The following NOVA1 variants were observed in gnomAD, a reference collection of about 807,000 sequenced individuals.
NOVA1 encodes RNA-binding protein Nova-1.
A neutral mutation model predicts 38.0 loss-of-function variants in NOVA1; 7 were observed. The ratio of observed to expected loss-of-function variants is 0.18; its 90% CI spans 0.10 to 0.35. The LOEUF is 0.35. NOVA1 is among the 10% of genes least tolerant of loss of function. The pLI, the probability that NOVA1 is intolerant of heterozygous loss-of-function variation, is 1.00. For missense variants in NOVA1, 460 were observed against 616.0 expected, an observed-to-expected ratio of 0.75 and a Z score of 2.68; for synonymous variants, 270 against 232.5, an observed-to-expected ratio of 1.16 and a Z score of -1.47.
chr14:26,459,737 T>C (rs1219655581), intron 4 of NOVA1, among the ~76,000 whole-genome samples: 1 of 152,082 alleles, frequency 6.6e-6, no homozygotes, highest in Admixed American at 6.6e-5. Flanking sequence ...GAGTTGTTTA[T>C]GGATTAATAC....
chr14:26,516,055 A>G (rs1262432014), intron 2 of NOVA1, among the ~76,000 whole-genome samples: 1 of 152,038 alleles, frequency 6.6e-6, no homozygotes, highest in Non-Finnish European at 1.5e-5. Context: ...TTGCCAACAA[A>G]GTATTGTCAG....
chr14:26,573,151 G>C (rs539961367), intron 2 of NOVA1, among the ~76,000 whole-genome samples: 1 of 152,172 alleles, frequency 6.6e-6, no homozygotes, highest in South Asian at 2.1e-4. Flanking sequence ...AATAATGAGA[G>C]AAACTGGATC....
chr14:26,448,706 T>C lies in NOVA1; in HGVS notation c.777A>G (p.Thr259=), dbSNP rs1882342687. Residue 259 remains threonine (T), a synonymous_variant, in exon 5 of 5, where the codon ACA becomes ACG. Transcript: ENST00000539517. The surrounding 1 kb of genome is among the most constrained non-coding windows in gnomAD (Gnocchi z 5.3). ...TTGGATTGGAATTTGCCACTGGACC[T>C]GTCACATTGGCATAACTGATATTGA... ...SCLNISYANV[T]GPVANSNPTG... is the part of the protein sequence containing the mutation. 1 of 1,614,230 alleles carries C rather than the reference T, an allele frequency of 6.2e-7. No individual in the cohort carries two copies. The highest frequency in any genetic ancestry group is 1.1e-5 in the South Asian group (1 of 91,088).
chr14:26,536,894 A>G (rs1472596052), intron 2 of NOVA1, among the ~76,000 whole-genome samples: 1 of 152,172 alleles, frequency 6.6e-6, no homozygotes, highest in African/African-American at 2.4e-5. Flanking sequence ...AGAACATTTC[A>G]TAAACACACA....
chr14:26,523,245 C>T (rs1308383440), intron 2 of NOVA1, among the ~76,000 whole-genome samples: 1 of 152,182 alleles, frequency 6.6e-6, no homozygotes, highest in Non-Finnish European at 1.5e-5. Flanking sequence ...TAAAATGCTT[C>T]TGACCATTGC....
intron 4 of NOVA1, among the ~76,000 whole-genome samples, chr14:26,465,829 G>GA (rs1333052082): frequency 2.0e-5 from 3 of 151,856 alleles, no homozygotes; most frequent in Non-Finnish European, 2.9e-5. Flanking sequence ...GAATAAAACA[G>GA]AAAAAAACCC....
intron 2 of NOVA1, among the ~76,000 whole-genome samples, chr14:26,511,434 T>C (rs1888075019): frequency 6.6e-6 from 1 of 152,118 alleles, no homozygotes; most frequent in Non-Finnish European, 1.5e-5. Context: ...AGATTTTAGT[T>C]TAATCATCTA....
intron 2 of NOVA1, among the ~76,000 whole-genome samples, chr14:26,567,119 T>C (rs1442546130): frequency 1.3e-5 from 2 of 152,076 alleles, no homozygotes; most frequent in Admixed American, 1.3e-4. Flanking sequence ...TGCCAAATTA[T>C]AATCCAAAAA....
At chr14:26,511,164 C>T (rs1047569836) in intron 2 of NOVA1, among the ~76,000 whole-genome samples, 11 of 152,062 alleles carry the variant, frequency 7.2e-5, no homozygotes, top group Non-Finnish European at 1.5e-4. Context: ...TTTTAAGGTT[C>T]ACTTTTATCT....
chr14:26,582,760 A>AT (rs1893299794), intron 2 of NOVA1, among the ~76,000 whole-genome samples: 2 of 151,802 alleles, frequency 1.3e-5, no homozygotes, highest in South Asian at 2.1e-4. Flanking sequence ...TAGTAAAAAG[A>AT]TTTTTACAGA....
At chr14:26,480,667 G>GT (rs532204529) in intron 2 of NOVA1, among the ~76,000 whole-genome samples, 3,906 of 145,122 alleles carry the variant, frequency 0.027, 137 homozygotes, top group African/African-American at 0.086. Context: ...ATTTTACATT[G>GT]TTTTTTTTTT....
chr14:26,580,518 A>G (rs1335273410), intron 2 of NOVA1, among the ~76,000 whole-genome samples: 1 of 152,088 alleles, frequency 6.6e-6, no homozygotes, highest in East Asian at 1.9e-4. Context: ...GGTATTATAG[A>G]ACACTTATTT....
At chr14:26,478,283 T>C (rs1317663278) in intron 3 of NOVA1, among the ~76,000 whole-genome samples, 1 of 151,954 alleles carries the variant, frequency 6.6e-6, no homozygotes, top group Non-Finnish European at 1.5e-5. Flanking sequence ...TTTGGTGGTA[T>C]GAGATATTTA....
At chr14:26,503,031 T>C (rs545860819) in intron 2 of NOVA1, among the ~76,000 whole-genome samples, 25 of 152,170 alleles carry the variant, frequency 1.6e-4, no homozygotes, top group African/African-American at 5.8e-4. Context: ...CTACCAGCAA[T>C]GTGTTAAGAG....
intron 4 of NOVA1, among the ~76,000 whole-genome samples, chr14:26,450,139 TA>T (rs1882531499): frequency 6.6e-6 from 1 of 152,086 alleles, no homozygotes; most frequent in South Asian, 2.1e-4. Context: ...ATGGGCAGGC[TA>T]AAAAAAGTGC....
chr14:26,473,513 G>T (rs1375488101), intron 3 of NOVA1, among the ~76,000 whole-genome samples: 1 of 151,722 alleles, frequency 6.6e-6, no homozygotes, highest in African/African-American at 2.4e-5. Context: ...AACTTTAAAG[G>T]TTCAGCAGTG....
chr14:26,482,403 C>G (rs963354121), intron 2 of NOVA1, among the ~76,000 whole-genome samples: 3 of 151,994 alleles, frequency 2.0e-5, no homozygotes, highest in Non-Finnish European at 4.4e-5. Context: ...CCTTTTCACT[C>G]AGAAAACACA....
At chr14:26,461,935 C>T (rs759464615) in intron 4 of NOVA1, among the ~76,000 whole-genome samples, 29 of 94,016 alleles carry the variant, frequency 3.1e-4, no homozygotes, top group Non-Finnish European at 7.3e-4. Flanking sequence ...AGTGAAACTC[C>T]GTCTCAAAAA....
intron 2 of NOVA1, among the ~76,000 whole-genome samples, chr14:26,556,721 G>C (rs1181217218): frequency 1.3e-5 from 2 of 152,232 alleles, no homozygotes; most frequent in East Asian, 3.9e-4. Context: ...GTAAGCCACA[G>C]ATAGGGAAAA....
Sources: allele counts gnomAD v4.1 joint callset (sites outside exome capture counted in the v4.1 genomes callset), GRCh38; gene constraint gnomAD v4.1.1; non-coding constraint Gnocchi (gnomAD v3.1); transcripts MANE v1.5; gene names NCBI Gene and HGNC (gene_info 2026-07-23, HGNC 2026-07-21).